The following SGCD variants were observed in gnomAD, a reference collection of about 807,000 sequenced individuals.
SGCD encodes delta-sarcoglycan.
In SGCD, 18 loss-of-function variants were observed where a neutral mutation model predicts 36.6. That is an observed-to-expected ratio of 0.49 (90% confidence interval 0.34 to 0.73). The LOEUF is 0.73. SGCD is among the 30% of genes least tolerant of loss of function. The pLI, the probability that SGCD is intolerant of heterozygous loss-of-function variation, is 0.01. For synonymous variants in SGCD, 133 were observed against 130.6 expected (o/e 1.02, Z -0.12); for missense variants, 387 against 346.7 (o/e 1.12, Z -0.92).
intron 1 of SGCD, among the ~76,000 whole-genome samples, chr5:156,093,402 C>T (rs771451816): frequency 1.3e-4 from 20 of 152,270 alleles, no homozygotes; most frequent in South Asian, 2.1e-4. Flanking sequence ...ATCACTCTAC[C>T]GAATGAAAGT....
chr5:156,619,312 G>T (rs748931338), intron 6 of SGCD, among the ~76,000 whole-genome samples: 7 of 152,084 alleles, frequency 4.6e-5, no homozygotes, highest in Non-Finnish European at 8.8e-5. Flanking sequence ...GGCGTGAGCT[G>T]CCGAGCCGGC....
intron 3 of SGCD, among the ~76,000 whole-genome samples, chr5:156,466,627 A>C (rs537170297): frequency 4.0e-4 from 61 of 152,282 alleles, no homozygotes; most frequent in Non-Finnish European, 6.5e-4. Flanking sequence ...TGCACGGATA[A>C]CTTAGATGCT....
At chr5:155,854,828 G>A in the SGCD span, among the ~76,000 whole-genome samples, 1 of 152,104 alleles carries the variant, frequency 6.6e-6, no homozygotes, top group Non-Finnish European at 1.5e-5. Context: ...GATTGTACCT[G>A]GTAATGTACC....
At chr5:156,592,821 C>T (rs545172921) in intron 5 of SGCD, among the ~76,000 whole-genome samples, 2 of 152,262 alleles carry the variant, frequency 1.3e-5, no homozygotes, top group East Asian at 1.9e-4. Context: ...GGAGCCTTTC[C>T]AATGTCCTTC....
At chr5:156,240,430 A>T (rs556868215) in intron 3 of SGCD, among the ~76,000 whole-genome samples, 17 of 152,236 alleles carry the variant, frequency 1.1e-4, no homozygotes, top group Non-Finnish European at 1.8e-4. Context: ...AGGGCATATG[A>T]GGTCCCTAGG....
At chr5:155,766,037 G>A in the SGCD span, among the ~76,000 whole-genome samples, 1 of 152,094 alleles carries the variant, frequency 6.6e-6, no homozygotes, top group African/African-American at 2.4e-5. Flanking sequence ...ACCCATCAGG[G>A]TGAGGGGACT....
At chr5:155,940,038 G>A (rs1307640094) in intron 1 of SGCD, among the ~76,000 whole-genome samples, 1 of 151,920 alleles carries the variant, frequency 6.6e-6, no homozygotes, top group Non-Finnish European at 1.5e-5. Flanking sequence ...TCACCATGTT[G>A]GTCAGGCTGG....
the SGCD span, among the ~76,000 whole-genome samples, chr5:155,767,252 G>A: frequency 2.4e-4 from 36 of 152,314 alleles, no homozygotes; most frequent in African/African-American, 7.5e-4. Flanking sequence ...CACCAGGATG[G>A]CTGAGGAGGA....
intron 1 of SGCD, among the ~76,000 whole-genome samples, chr5:156,077,214 G>C (rs1026447598): frequency 6.6e-6 from 1 of 152,078 alleles, no homozygotes; most frequent in Non-Finnish European, 1.5e-5. Context: ...CTAAGATTAA[G>C]GTGCCACGTG....
chr5:156,466,502 A>C (rs1754726245), intron 3 of SGCD, among the ~76,000 whole-genome samples: 1 of 152,188 alleles, frequency 6.6e-6, no homozygotes. Context: ...CTCTCCCCTC[A>C]GTCACTTCAG....
intron 3 of SGCD, among the ~76,000 whole-genome samples, chr5:156,231,750 C>T (rs1197106829): frequency 6.6e-6 from 1 of 152,074 alleles, no homozygotes; most frequent in East Asian, 1.9e-4. Context: ...CCGTGGTTAT[C>T]CAAGCTGTAG....
At chr5:156,021,932 G>A (rs79456144) in intron 1 of SGCD, among the ~76,000 whole-genome samples, 2,486 of 152,120 alleles carry the variant, frequency 0.016, 27 homozygotes, top group Non-Finnish European at 0.026. Flanking sequence ...ATAATTCATC[G>A]GTTTTTAGTA....
chr5:156,231,767 T>C (rs1444817013), intron 3 of SGCD, among the ~76,000 whole-genome samples: 1 of 152,140 alleles, frequency 6.6e-6, no homozygotes, highest in Non-Finnish European at 1.5e-5. Context: ...GTAGACTTCG[T>C]TTTCTTTGGT....
intron 1 of SGCD, among the ~76,000 whole-genome samples, chr5:155,877,090 T>C (rs1355820656): frequency 6.6e-6 from 1 of 152,118 alleles, no homozygotes; most frequent in East Asian, 1.9e-4. Flanking sequence ...TACTGAAGTC[T>C]TATGGGCCTT....
intron 3 of SGCD, among the ~76,000 whole-genome samples, chr5:156,374,504 T>C (rs1042923814): frequency 6.6e-6 from 1 of 152,126 alleles, no homozygotes; most frequent in Non-Finnish European, 1.5e-5. Flanking sequence ...CCTAGCAAAT[T>C]GGGCATTTTA....
intron 7 of SGCD, among the ~76,000 whole-genome samples, chr5:156,738,033 TTTAATTGCTAA>T (rs1443433086): frequency 6.6e-6 from 1 of 152,214 alleles, no homozygotes; most frequent in East Asian, 1.9e-4. Context: ...ATGTATTACT[TTTAATTGCTAA>T]TTAAAATAAT....
intron 4 of SGCD, among the ~76,000 whole-genome samples, chr5:156,586,487 G>A (rs1009433622): frequency 3.3e-5 from 5 of 152,150 alleles, no homozygotes; most frequent in Non-Finnish European, 5.9e-5. Flanking sequence ...AAGATACTAG[G>A]CACAGATCAC....
chr5:155,900,156 G>A (rs1333444655), intron 1 of SGCD, among the ~76,000 whole-genome samples: 1 of 152,014 alleles, frequency 6.6e-6, no homozygotes, highest in East Asian at 1.9e-4. Flanking sequence ...TTCCACATTA[G>A]TAAAGATTTT....
At chr5:156,563,166 G>C (rs534327921) in intron 4 of SGCD, among the ~76,000 whole-genome samples, 61 of 152,154 alleles carry the variant, frequency 4.0e-4, no homozygotes, top group African/African-American at 1.4e-3. Flanking sequence ...ATTTTTAGTA[G>C]AGATGGGGTT....
Sources: gnomAD v4.1 joint callset for allele counts (sites outside exome capture counted in the v4.1 genomes callset) on GRCh38, gnomAD v4.1.1 for gene constraint, MANE v1.5 for transcripts, NCBI Gene and HGNC (gene_info 2026-07-23, HGNC 2026-07-21) for gene names.